ADGRB3: variants seen among roughly 807,000 people sequenced by gnomAD.
ADGRB3 encodes the protein adhesion G protein-coupled receptor B3, also known as brain-specific angiogenesis inhibitor 3.
In ADGRB3, 37 loss-of-function variants were observed where a neutral mutation model predicts 193.4. The ratio of observed to expected loss-of-function variants is 0.19; its 90% CI spans 0.15 to 0.25. ADGRB3 has a LOEUF of 0.25. Ranked by LOEUF, ADGRB3 falls within the 10% of genes least tolerant of loss-of-function variation. The pLI, the probability that ADGRB3 is intolerant of heterozygous loss-of-function variation, is 1.00. For missense variants in ADGRB3, 1,637 were observed against 1,852.9 expected (o/e 0.88, Z 2.14); for synonymous variants, 690 against 644.2 (o/e 1.07, Z -1.08).
intron 17 of ADGRB3, among the ~76,000 whole-genome samples, chr6:69,081,817 C>T (rs966207355): frequency 6.6e-6 from 1 of 152,036 alleles, no homozygotes; most frequent in East Asian, 1.9e-4. Context: ...ATAACGTTTA[C>T]ATAAATGCTT....
At chr6:68,975,687 A>G (rs2150265978) in intron 10 of ADGRB3, among the ~76,000 whole-genome samples, 1 of 152,320 alleles carries the variant, frequency 6.6e-6, no homozygotes, top group East Asian at 1.9e-4. Context: ...AAAATATCAT[A>G]CATTTTAAAA....
chr6:69,069,391 T>C (rs1378293625), intron 16 of ADGRB3, among the ~76,000 whole-genome samples: 1 of 151,376 alleles, frequency 6.6e-6, no homozygotes, highest in Non-Finnish European at 1.5e-5. Context: ...AAAATTTACG[T>C]CTACTAATGT....
intron 10 of ADGRB3, among the ~76,000 whole-genome samples, chr6:68,977,299 A>C (rs927880695): frequency 1.3e-5 from 2 of 151,948 alleles, no homozygotes; most frequent in Non-Finnish European, 2.9e-5. Flanking sequence ...TTAAATTTTA[A>C]TGGATTTTTT....
intron 30 of ADGRB3, among the ~76,000 whole-genome samples, chr6:69,381,506 A>G (rs1020124267): frequency 6.6e-6 from 1 of 151,976 alleles, no homozygotes; most frequent in Admixed American, 6.6e-5. Flanking sequence ...AATGAGCTAA[A>G]CAATGTATTG....
chr6:69,245,947 A>G (rs1268612136), intron 20 of ADGRB3, among the ~76,000 whole-genome samples: 1 of 152,154 alleles, frequency 6.6e-6, no homozygotes, highest in Non-Finnish European at 1.5e-5. Flanking sequence ...ATTTGTGCTT[A>G]TATCTATGAA....
chr6:69,228,732 T>C (rs1325817774), intron 17 of ADGRB3, among the ~76,000 whole-genome samples: 5 of 152,194 alleles, frequency 3.3e-5, no homozygotes. Context: ...TATTAGATCT[T>C]TAAATCTTCT....
chr6:69,354,397 T>C, intron 27 of ADGRB3, 69 bp downstream of exon 27: 2 of 1,346,686 alleles, frequency 1.5e-6, no homozygotes, highest in South Asian at 2.3e-5. Context: ...GAAATCCTTA[T>C]GAGTAAAATA....
chr6:68,675,808 A>G (rs768788621), intron 3 of ADGRB3, among the ~76,000 whole-genome samples: 13 of 152,118 alleles, frequency 8.5e-5, no homozygotes, highest in Non-Finnish European at 1.6e-4. Flanking sequence ...ATTTCTCCCT[A>G]GTGGCGAAGC....
chr6:69,143,862 C>T (rs1582495307), intron 17 of ADGRB3, among the ~76,000 whole-genome samples: 1 of 152,196 alleles, frequency 6.6e-6, no homozygotes, highest in East Asian at 1.9e-4. Flanking sequence ...TTTGACTATT[C>T]TGGGTCTTTT....
intron 31 of ADGRB3, 89 bp downstream of exon 31, chr6:69,383,024 A>G (rs895609880): frequency 5.0e-4 from 412 of 824,740 alleles, no homozygotes; most frequent in Non-Finnish European, 6.0e-4. Flanking sequence ...TGGTGGGAAC[A>G]TAAGATGAGT....
intron 3 of ADGRB3, among the ~76,000 whole-genome samples, chr6:68,831,683 A>C (rs956484562): frequency 2.6e-5 from 4 of 152,134 alleles, no homozygotes; most frequent in African/African-American, 9.7e-5. Context: ...TGGAGTGGAC[A>C]CCTGGAAGTC....
intron 17 of ADGRB3, among the ~76,000 whole-genome samples, chr6:69,130,070 G>A (rs1025540065): frequency 6.6e-6 from 1 of 152,026 alleles, no homozygotes; most frequent in African/African-American, 2.4e-5. Flanking sequence ...TATTCCTCAC[G>A]GTTCTGGAGG....
chr6:69,058,035 C>G (rs1771597507), intron 15 of ADGRB3, among the ~76,000 whole-genome samples: 1 of 151,850 alleles, frequency 6.6e-6, no homozygotes, highest in African/African-American at 2.4e-5. Flanking sequence ...TTAAATGTAT[C>G]ATAGAATTCT....
chr6:69,238,107 C>G (rs180969465), intron 19 of ADGRB3, among the ~76,000 whole-genome samples: 49 of 149,956 alleles, frequency 3.3e-4, no homozygotes, highest in African/African-American at 1.0e-3. Context: ...GAGAGAGAGA[C>G]AGACAGACAG....
chr6:69,341,638 A>G (rs1389664442), intron 26 of ADGRB3, among the ~76,000 whole-genome samples: 1 of 152,152 alleles, frequency 6.6e-6, no homozygotes, highest in Non-Finnish European at 1.5e-5. Context: ...TGAATTATTT[A>G]TAGACCAAAG....
chr6:68,954,106 G>A (rs1316986428), intron 6 of ADGRB3, among the ~76,000 whole-genome samples: 1 of 152,090 alleles, frequency 6.6e-6, no homozygotes, highest in East Asian at 1.9e-4. Context: ...TGTCTAAATT[G>A]TCCATAACTC....
intron 13 of ADGRB3, among the ~76,000 whole-genome samples, chr6:69,035,372 G>GTT (rs60099503): frequency 2.0e-5 from 3 of 152,066 alleles, no homozygotes; most frequent in East Asian, 1.9e-4. Context: ...TTTTTTGTTT[G>GTT]TTTTTGTTTT....
chr6:69,177,847 T>C (rs1322307879), intron 17 of ADGRB3, among the ~76,000 whole-genome samples: 2 of 152,206 alleles, frequency 1.3e-5, no homozygotes, highest in Non-Finnish European at 2.9e-5. Context: ...AGACTCACCT[T>C]GTGGCCAAGC....
chr6:69,302,777 A>G (rs561264089), intron 20 of ADGRB3, among the ~76,000 whole-genome samples: 24 of 152,082 alleles, frequency 1.6e-4, no homozygotes, highest in African/African-American at 5.3e-4. Context: ...ATCCTTGAAA[A>G]CCATTAAGCT....
Sources: gnomAD v4.1 joint callset for allele counts (sites outside exome capture counted in the v4.1 genomes callset) on GRCh38, gnomAD v4.1.1 for gene constraint, MANE v1.5 for transcripts, NCBI Gene and HGNC (gene_info 2026-07-23, HGNC 2026-07-21) for gene names.